The following CPA6 variants were observed in gnomAD, a reference collection of about 807,000 sequenced individuals.
CPA6 encodes carboxypeptidase B.
A neutral mutation model predicts 63.3 loss-of-function variants in CPA6; 58 were observed. The observed-to-expected ratio is 0.92, with a 90% CI of 0.74 to 1.14. The LOEUF is 1.14. Ranked by LOEUF, CPA6 falls within the 50% of genes most tolerant of loss-of-function variation. The probability of loss-of-function intolerance (pLI) is 0.00; values close to 1 mark genes in which losing one functional copy is unlikely to be tolerated. For synonymous variants in CPA6, 185 were observed against 179.0 expected (o/e 1.03, Z -0.27); for missense variants, 565 against 526.6 (o/e 1.07, Z -0.71).
At chr8:67,568,982 C>T (rs185650237) in intron 2 of CPA6, among the ~76,000 whole-genome samples, 1 of 152,266 alleles carries the variant, frequency 6.6e-6, no homozygotes, top group African/African-American at 2.4e-5. Context: ...AGCTCCTGAC[C>T]TCAGGTGATC....
chr8:67,631,974 C>T (rs1403528500), intron 1 of CPA6, among the ~76,000 whole-genome samples: 2 of 152,132 alleles, frequency 1.3e-5, no homozygotes, highest in Non-Finnish European at 2.9e-5. Context: ...TCCAGACACA[C>T]CACCTTTAAG....
intron 2 of CPA6, among the ~76,000 whole-genome samples, chr8:67,557,714 C>A (rs992495001): frequency 6.6e-5 from 10 of 152,168 alleles, no homozygotes; most frequent in Admixed American, 3.3e-4. Context: ...AGTCTTCCTG[C>A]AAACTTCTAA....
At chr8:67,484,235 A>AT (rs1488144777) in intron 7 of CPA6, among the ~76,000 whole-genome samples, 4 of 150,440 alleles carry the variant, frequency 2.7e-5, no homozygotes, top group African/African-American at 9.8e-5. Flanking sequence ...GCGCCCGGCT[A>AT]ATTTTTTTTT....
chr8:67,622,317 G>A (rs1815101077), intron 2 of CPA6, among the ~76,000 whole-genome samples: 1 of 152,148 alleles, frequency 6.6e-6, no homozygotes, highest in Admixed American at 6.5e-5. Flanking sequence ...AGTTCCTGGT[G>A]GACTATTCAG....
chr8:67,649,602 A>G (rs1046599414), intron 1 of CPA6, among the ~76,000 whole-genome samples: 1 of 152,218 alleles, frequency 6.6e-6, no homozygotes, highest in Non-Finnish European at 1.5e-5. Flanking sequence ...GATTATTTGT[A>G]TATACACAAG....
chr8:67,453,497 G>A (rs144153851), intron 8 of CPA6, among the ~76,000 whole-genome samples: 1 of 152,150 alleles, frequency 6.6e-6, no homozygotes, highest in Admixed American at 6.6e-5. Context: ...GATGCTAATA[G>A]ATATGATATA....
At chr8:67,712,891 G>A (rs971762685) in intron 1 of CPA6, among the ~76,000 whole-genome samples, 12 of 151,542 alleles carry the variant, frequency 7.9e-5, no homozygotes, top group Middle Eastern at 3.4e-3. Context: ...TCACTTAGCC[G>A]CCCTCTTGGT....
intron 6 of CPA6, among the ~76,000 whole-genome samples, chr8:67,500,796 T>C (rs1392328884): frequency 6.6e-6 from 1 of 151,630 alleles, no homozygotes; most frequent in Non-Finnish European, 1.5e-5. Flanking sequence ...ATCCAATTGC[T>C]CCAGCACCAT....
intron 1 of CPA6, among the ~76,000 whole-genome samples, chr8:67,625,245 C>A (rs1209764946): frequency 6.6e-6 from 1 of 152,142 alleles, no homozygotes; most frequent in Admixed American, 6.5e-5. Context: ...AAGTTTCAAT[C>A]TTTAAGACCA....
At chr8:67,472,375 T>TTA (rs1264219658) in intron 8 of CPA6, among the ~76,000 whole-genome samples, 8 of 68,980 alleles carry the variant, frequency 1.2e-4, no homozygotes, top group East Asian at 9.8e-4. Context: ...AAGATTTATT[T>TTA]TTTTATTTTA....
At chr8:67,671,172 GAACA>G (rs1212324786) in intron 1 of CPA6, among the ~76,000 whole-genome samples, 1 of 152,222 alleles carries the variant, frequency 6.6e-6, no homozygotes, top group Non-Finnish European at 1.5e-5. Flanking sequence ...TCAGCCTTGA[GAACA>G]ATCACCTCAA....
chr8:67,641,365 G>T (rs904515226), intron 1 of CPA6, among the ~76,000 whole-genome samples: 2 of 147,194 alleles, frequency 1.4e-5, no homozygotes, highest in African/African-American at 5.4e-5. Context: ...TGAAGGAGGG[G>T]ATCCAAAATA....
chr8:67,482,344 C>A (rs1029969654), intron 8 of CPA6, among the ~76,000 whole-genome samples: 3 of 152,154 alleles, frequency 2.0e-5, no homozygotes, highest in Non-Finnish European at 4.4e-5. Flanking sequence ...ATGGCCCCAT[C>A]AGAGAGAAGG....
chr8:67,591,645 G>A (rs183277594), intron 2 of CPA6, among the ~76,000 whole-genome samples: 10,207 of 152,104 alleles, frequency 0.067, 615 homozygotes, highest in African/African-American at 0.16. Context: ...TCTCTTTGAA[G>A]CAATTGTGAA....
intron 2 of CPA6, among the ~76,000 whole-genome samples, chr8:67,563,656 T>C (rs191825560): frequency 2.0e-5 from 3 of 152,232 alleles, no homozygotes; most frequent in South Asian, 4.1e-4. Flanking sequence ...TCAGGGACGA[T>C]TGATTGATAC....
intron 1 of CPA6, among the ~76,000 whole-genome samples, chr8:67,726,619 T>C (rs926946250): frequency 3.3e-5 from 5 of 152,222 alleles, no homozygotes; most frequent in Non-Finnish European, 7.3e-5. Context: ...TCCTAACTTT[T>C]AAATAAAAAT....
intron 1 of CPA6, among the ~76,000 whole-genome samples, chr8:67,659,514 TAA>T (rs1719354367): frequency 6.6e-6 from 1 of 152,246 alleles, no homozygotes; most frequent in Non-Finnish European, 1.5e-5. Flanking sequence ...TTAAGATAGA[TAA>T]GTCTTTCTCC....
At chr8:67,539,055 T>C (rs975699520) in intron 2 of CPA6, among the ~76,000 whole-genome samples, 3 of 152,222 alleles carry the variant, frequency 2.0e-5, no homozygotes, top group Non-Finnish European at 2.9e-5. Flanking sequence ...GCTAGCTGGT[T>C]ATTTTGCCCA....
chr8:67,721,691 C>T (rs529784266), intron 1 of CPA6, among the ~76,000 whole-genome samples: 11 of 151,914 alleles, frequency 7.2e-5, no homozygotes, highest in Non-Finnish European at 1.6e-4. Context: ...GGATCAATGG[C>T]TTCTCAAAAG....
Sources: gnomAD v4.1 joint callset for allele counts (sites outside exome capture counted in the v4.1 genomes callset) on GRCh38, gnomAD v4.1.1 for gene constraint, MANE v1.5 for transcripts, NCBI Gene and HGNC (gene_info 2026-07-23, HGNC 2026-07-21) for gene names.